The following ASZ1 variants were observed in gnomAD, a reference collection of about 807,000 sequenced individuals.
The protein encoded by ASZ1 is ankyrin repeat, SAM and basic leucine zipper domain containing 1, also known as ankyrin repeat, SAM and basic leucine zipper domain-containing protein 1.
Under a neutral mutation model 61.8 loss-of-function variants are expected in ASZ1, and 67 were observed. That is an observed-to-expected ratio of 1.08 (90% CI 0.89 to 1.33). The LOEUF is 1.33. Ranked by LOEUF, ASZ1 falls within the 40% of genes most tolerant of loss-of-function variation. The probability of loss-of-function intolerance (pLI) is 0.00; values close to 1 mark genes in which losing one functional copy is unlikely to be tolerated. For missense variants in ASZ1, 577 were observed against 554.5 expected, an observed-to-expected ratio of 1.04 and a Z score of -0.41; for synonymous variants, 193 against 192.7, an observed-to-expected ratio of 1.00 and a Z score of -0.01.
chr7:117,411,026 T>C (rs1387639732), intron 4 of ASZ1, among the ~76,000 whole-genome samples: 2 of 151,752 alleles, frequency 1.3e-5, no homozygotes, highest in Non-Finnish European at 3.0e-5. Flanking sequence ...TTTCCTACCA[T>C]GTACCAGACA....
At chr7:117,406,204 C>T (rs573246493) in intron 4 of ASZ1, among the ~76,000 whole-genome samples, 1 of 152,028 alleles carries the variant, frequency 6.6e-6, no homozygotes, top group South Asian at 2.1e-4. Context: ...AATTCTATAC[C>T]CAGTGAAAAT....
At chr7:117,427,249 G>A (rs1181094232) in intron 1 of ASZ1, 107 bp downstream of exon 1, 23 of 1,258,874 alleles carry the variant, frequency 1.8e-5, no homozygotes, top group Non-Finnish European at 2.5e-5. Context: ...CTGGGTAAAA[G>A]GGAAATACAC....
At chr7:117,392,387 A>G (rs968539308) in intron 4 of ASZ1, among the ~76,000 whole-genome samples, 1 of 152,120 alleles carries the variant, frequency 6.6e-6, no homozygotes. Flanking sequence ...GTTCTCCTGT[A>G]GAGATCTTTT....
rs1316098625 is a variant in ASZ1, at chr7:117,420,163, C to T, written c.440G>A (p.Arg147Lys). ...TTTGAACAGATATAAAGGCTCTTAC[C>T]TACAAGCAACATTTGGATCAGCATT... is the stretch of plus-strand genomic sequence containing the variant. ...SRNADPNVACRRLMTPIMYAA... is the reference protein window; with the variant it reads ...SRNADPNVACKRLMTPIMYAA... Residue 147 changes from arginine (R) to lysine (K), a missense_variant and splice_region_variant, in exon 4 of 13, where the codon AGG becomes AAG. Arg to Lys is a conservative substitution (Grantham distance 26). Coordinates refer to ENST00000284629, the MANE Select transcript of ASZ1 (RefSeq NM_130768.3). 12 of 1,606,476 alleles carry T rather than the reference C, an allele frequency of 7.5e-6. No individual in the cohort carries two copies. The highest frequency in any genetic ancestry group is 1.0e-5 in the Non-Finnish European group (12 of 1,176,594).
In ASZ1 at chr7:117,426,867, A is replaced by G. The variant is rs1271897717; in HGVS notation, c.174T>C (p.Asp58=). ...CTAGGAGCTCCTGGACCAATGAAACATCTCCGATGGTCATTGCTTTCTTAA... is the reference window on the plus strand; with the variant it reads ...CTAGGAGCTCCTGGACCAATGAAACGTCTCCGATGGTCATTGCTTTCTTAA... ...EKFKKAMTIG[D]VSLVQELLDS... is the part of the protein sequence containing the mutation. The change falls in exon 2 of 13, where the codon GAT becomes GAC. Residue 58 remains aspartate, a synonymous_variant. Transcript: ENST00000284629. 2 of 1,613,176 alleles carry G rather than the reference A, an allele frequency of 1.2e-6. No homozygotes were observed. The highest frequency in any genetic ancestry group is 2.7e-5 in the African/African-American group (2 of 74,942).
In ASZ1 at chr7:117,379,964, T is replaced by G. The variant is rs1352232085; in HGVS notation, c.1029A>C (p.Leu343=). The change falls in exon 10 of 13, where the codon CTA becomes CTC. Residue 343 remains leucine (L), a synonymous_variant. Transcript: ENST00000284629. ...LQVEEIQFGE[L]SEETKLEISG... ...TGATTTCCAACTTTGTCTCTTCAGA[T>G]AGCTCTCCAAATTGTATCTCTTCTA... 2 of 1,603,430 alleles carry G rather than the reference T, an allele frequency of 1.2e-6. No individual in the cohort carries two copies. Among genetic ancestry groups the G allele is most frequent in the Non-Finnish European group, 1.7e-6 (2 of 1,173,038 alleles).
At chr7:117,367,572 A>C (rs1167223798) in intron 11 of ASZ1, 107 bp from the exon 12 acceptor site, 1 of 1,199,292 alleles carries the variant, frequency 8.3e-7, no homozygotes, top group Non-Finnish European at 1.1e-6. Context: ...TACATAATTG[A>C]AAGGCATTTT....
chr7:117,411,752 T>C (rs1212113035), intron 4 of ASZ1, among the ~76,000 whole-genome samples: 1 of 151,808 alleles, frequency 6.6e-6, no homozygotes, highest in Non-Finnish European at 1.5e-5. Flanking sequence ...GTGGTATTTT[T>C]ATCCCCTACT....
chr7:117,387,307 T>TCAACAACAACAACAA (rs3034755), intron 4 of ASZ1, among the ~76,000 whole-genome samples: 5 of 147,382 alleles, frequency 3.4e-5, no homozygotes, highest in African/African-American at 7.5e-5. Context: ...AGACCCTGTC[T>TCAACAACAACAACAA]CAACAACAAC....
chr7:117,377,127 A>T (rs979061907), intron 10 of ASZ1, among the ~76,000 whole-genome samples: 2 of 152,212 alleles, frequency 1.3e-5, no homozygotes, highest in African/African-American at 4.8e-5. Context: ...AACAAATAAA[A>T]AGAGAAATAC....
intron 10 of ASZ1, among the ~76,000 whole-genome samples, chr7:117,376,015 T>C: frequency 6.6e-6 from 1 of 151,418 alleles, no homozygotes; most frequent in East Asian, 1.9e-4. Context: ...GAAAAGTTAC[T>C]GAAACAAAAG....
At chr7:117,404,036 T>C (rs1438101177) in intron 4 of ASZ1, among the ~76,000 whole-genome samples, 1 of 152,166 alleles carries the variant, frequency 6.6e-6, no homozygotes, top group Non-Finnish European at 1.5e-5. Flanking sequence ...TAGGAAAAAC[T>C]GTCTTCCACA....
chr7:117,363,987 A>C (rs1304734611), intron 12 of ASZ1, among the ~76,000 whole-genome samples: 1 of 152,180 alleles, frequency 6.6e-6, no homozygotes, highest in Non-Finnish European at 1.5e-5. Flanking sequence ...GCTTTCATAG[A>C]TGATCACATT....
rs144873243 is a variant in ASZ1 at position 117,426,842 on chromosome 7, C to G, written c.199G>C (p.Asp67His). The G allele has an allele frequency of 8.7e-6, 14 of 1,600,374 alleles. No homozygotes were observed. The African/African-American group carries it at 1.9e-4, about 22-fold the overall frequency. Residue 67 changes from aspartate (D) to histidine (H), a missense_variant, in exon 2 of 13, where the codon GAT becomes CAT. Physicochemically the swap from Asp to His is moderately conservative, Grantham distance 81. Transcript: ENST00000284629. Reference protein sequence around the residue: ...GDVSLVQELLDSGISVDSNFQ... With the variant: ...GDVSLVQELLHSGISVDSNFQ... ...ACTGTCCCTTATCTCTCACCAGAAT[C>G]TAGGAGCTCCTGGACCAATGAAACA...
chr7:117,409,704 G>T (rs1313905672), intron 4 of ASZ1, among the ~76,000 whole-genome samples: 1 of 151,660 alleles, frequency 6.6e-6, no homozygotes, highest in Admixed American at 6.6e-5. Flanking sequence ...ATATGTATAC[G>T]AGCTAAAACA....
At chr7:117,423,581 C>T (rs1350880827) in intron 2 of ASZ1, among the ~76,000 whole-genome samples, 2 of 150,366 alleles carry the variant, frequency 1.3e-5, no homozygotes, top group Non-Finnish European at 2.9e-5. Flanking sequence ...CACGGTGGCT[C>T]ATGCCTGTAA....
intron 4 of ASZ1, among the ~76,000 whole-genome samples, chr7:117,393,077 C>T (rs1466914371): frequency 6.6e-6 from 1 of 151,930 alleles, no homozygotes; most frequent in Non-Finnish European, 1.5e-5. Context: ...AAACTCCTGA[C>T]CTCAGGTGAT....
chr7:117,394,215 C>T (rs1396674501), intron 4 of ASZ1, among the ~76,000 whole-genome samples: 1 of 152,142 alleles, frequency 6.6e-6, no homozygotes, highest in Non-Finnish European at 1.5e-5. Flanking sequence ...AGCCATCCTT[C>T]CACCTCAGCC....
At chr7:117,412,357 C>A (rs758306542) in intron 4 of ASZ1, among the ~76,000 whole-genome samples, 2 of 151,730 alleles carry the variant, frequency 1.3e-5, no homozygotes, top group Non-Finnish European at 3.0e-5. Context: ...TCTAAAAATT[C>A]TTTATGAAAT....
Sources: gnomAD v4.1 joint callset for allele counts (sites outside exome capture counted in the v4.1 genomes callset) on GRCh38, gnomAD v4.1.1 for gene constraint, MANE v1.5 for transcripts, NCBI Gene and HGNC (gene_info 2026-07-23, HGNC 2026-07-21) for gene names.